The following LIN7A variants were observed in gnomAD, a reference collection of about 807,000 sequenced individuals.
LIN7A encodes lin-7 cell polarity scaffold A.
In LIN7A, 25 loss-of-function variants were observed where a neutral mutation model predicts 29.8. The observed-to-expected ratio is 0.84, with a 90% CI of 0.61 to 1.17. LIN7A has a LOEUF of 1.17. Ranked by LOEUF, LIN7A falls within the 50% of genes most tolerant of loss-of-function variation. The probability of loss-of-function intolerance (pLI) is 0.00; values close to 1 mark genes in which losing one functional copy is unlikely to be tolerated. For missense variants in LIN7A, 239 were observed against 287.0 expected, an observed-to-expected ratio of 0.83 and a Z score of 1.21; for synonymous variants, 118 against 107.5, an observed-to-expected ratio of 1.10 and a Z score of -0.60.
intron 4 of LIN7A, among the ~76,000 whole-genome samples, chr12:80,840,439 G>A (rs778783277): frequency 3.3e-5 from 5 of 152,180 alleles, no homozygotes; most frequent in South Asian, 4.1e-4. Context: ...GTGAGTTCAT[G>A]TGTGCTTTTG....
intron 1 of LIN7A, among the ~76,000 whole-genome samples, chr12:80,897,195 G>A (rs1182781): frequency 0.68 from 102,864 of 151,386 alleles, 38,952 homozygotes; most frequent in Non-Finnish European, 0.87. Flanking sequence ...TTCTGTTTCA[G>A]CTTTCATTTT....
chr12:80,810,445 A>C (rs1871234185), intron 5 of LIN7A, among the ~76,000 whole-genome samples: 1 of 151,764 alleles, frequency 6.6e-6, no homozygotes, highest in Admixed American at 6.6e-5. Context: ...GTGTAGGTAG[A>C]TATAGATATC....
chr12:80,869,729 C>T (rs1264579467), intron 2 of LIN7A, among the ~76,000 whole-genome samples: 3 of 150,624 alleles, frequency 2.0e-5, no homozygotes, highest in African/African-American at 7.4e-5. Context: ...AAGCATAACT[C>T]AACCACATTA....
intron 1 of LIN7A, among the ~76,000 whole-genome samples, chr12:80,930,984 G>T (rs1520803): frequency 0.01 from 1,540 of 152,234 alleles, 26 homozygotes; most frequent in East Asian, 0.064. Context: ...ACCCGACATG[G>T]TCTCTGACCT....
chr12:80,890,622 T>C (rs1875572740), intron 1 of LIN7A, among the ~76,000 whole-genome samples: 1 of 152,182 alleles, frequency 6.6e-6, no homozygotes. Context: ...ATGGGGACTG[T>C]CTTTGAAGTA....
chr12:80,867,080 T>C (rs534662611), intron 2 of LIN7A, among the ~76,000 whole-genome samples: 4 of 152,220 alleles, frequency 2.6e-5, no homozygotes, highest in Non-Finnish European at 4.4e-5. Flanking sequence ...GCCCCCCAAG[T>C]AGCTGGGGTT....
intron 2 of LIN7A, among the ~76,000 whole-genome samples, chr12:80,874,948 C>T (rs990881294): frequency 3.9e-5 from 6 of 152,184 alleles, no homozygotes; most frequent in African/African-American, 1.4e-4. Context: ...TTGCAGTGAG[C>T]CGAGATGGCG....
intron 2 of LIN7A, among the ~76,000 whole-genome samples, chr12:80,852,335 C>T (rs1374020816): frequency 1.3e-5 from 2 of 152,068 alleles, no homozygotes; most frequent in South Asian, 2.1e-4. Context: ...TTGCATAGTT[C>T]GTCTTGATCT....
chr12:80,853,695 G>T (rs2121549586), intron 2 of LIN7A, among the ~76,000 whole-genome samples: 2 of 151,758 alleles, frequency 1.3e-5, no homozygotes, highest in South Asian at 4.2e-4. Context: ...TGGAGAACTA[G>T]AATTTTTTTT....
intron 2 of LIN7A, among the ~76,000 whole-genome samples, chr12:80,882,150 T>C (rs1489643411): frequency 6.6e-6 from 1 of 152,088 alleles, no homozygotes; most frequent in Non-Finnish European, 1.5e-5. Context: ...CATAGGTACA[T>C]ATTTTATTGA....
intron 5 of LIN7A, among the ~76,000 whole-genome samples, chr12:80,801,332 A>T (rs1463617872): frequency 6.6e-6 from 1 of 152,172 alleles, no homozygotes; most frequent in East Asian, 1.9e-4. Context: ...CAGCGTTGTG[A>T]TGAAGGCAGA....
intron 1 of LIN7A, among the ~76,000 whole-genome samples, chr12:80,934,828 G>A (rs548976091): frequency 3.3e-5 from 5 of 152,268 alleles, no homozygotes; most frequent in Middle Eastern, 3.4e-3. Flanking sequence ...GATTTGCTGG[G>A]ATGCCCTTGG....
intron 5 of LIN7A, among the ~76,000 whole-genome samples, chr12:80,808,513 T>C (rs1592850072): frequency 1.3e-5 from 2 of 150,602 alleles, no homozygotes; most frequent in South Asian, 2.1e-4. Flanking sequence ...TTTTCTTTTT[T>C]TTTTTTTTTT....
intron 1 of LIN7A, among the ~76,000 whole-genome samples, chr12:80,900,451 TG>T (rs1876152720): frequency 6.6e-6 from 1 of 152,260 alleles, no homozygotes; most frequent in African/African-American, 2.4e-5. Flanking sequence ...ATAGAAATTC[TG>T]GTATGTTATA....
intron 4 of LIN7A, among the ~76,000 whole-genome samples, chr12:80,812,670 G>A (rs937711271): frequency 6.6e-6 from 1 of 152,098 alleles, no homozygotes; most frequent in African/African-American, 2.4e-5. Context: ...TCCTGCCTCA[G>A]CCTCTCGAGT....
chr12:80,807,077 T>TTTTTTGTTTTTTTG (rs1555221362), intron 5 of LIN7A, among the ~76,000 whole-genome samples: 1 of 115,538 alleles, frequency 8.7e-6, no homozygotes, highest in Non-Finnish European at 1.8e-5. Context: ...TTTTTTTTTT[T>TTTTTTGTTTTTTTG]TTTTTTTTTT....
intron 4 of LIN7A, chr12:80,832,721 T>G: frequency 2.3e-6 from 1 of 428,124 alleles, no homozygotes; most frequent in Non-Finnish European, 4.6e-6. Flanking sequence ...TTGGTAGAAG[T>G]CCATTCTATT....
chr12:80,920,948 A>G (rs1877268767), intron 1 of LIN7A, among the ~76,000 whole-genome samples: 1 of 152,212 alleles, frequency 6.6e-6, no homozygotes, highest in Non-Finnish European at 1.5e-5. Flanking sequence ...CTGTTCAGCT[A>G]CTTAAGACAG....
At chr12:80,807,078 T>TTTTTGTTTGTTTG (rs1565883848) in intron 5 of LIN7A, among the ~76,000 whole-genome samples, 3 of 115,098 alleles carry the variant, frequency 2.6e-5, no homozygotes, top group Non-Finnish European at 5.2e-5. Flanking sequence ...TTTTTTTTTT[T>TTTTTGTTTGTTTG]TTTTTTTTTT....
Sources: allele counts gnomAD v4.1 joint callset (sites outside exome capture counted in the v4.1 genomes callset), GRCh38; gene constraint gnomAD v4.1.1; transcripts MANE v1.5; gene names NCBI Gene and HGNC (gene_info 2026-07-23, HGNC 2026-07-21).